AGBL1: variants seen among roughly 807,000 people sequenced by gnomAD.
The protein encoded by AGBL1 is AGBL carboxypeptidase 1, also known as cytosolic carboxypeptidase 4.
AGBL1 carries 130 observed loss-of-function variants against 118.9 expected under a neutral mutation model. That is an observed-to-expected ratio of 1.09 (90% CI 0.95 to 1.26). AGBL1 has a LOEUF of 1.26. Among genes scored for constraint, AGBL1 ranks in the 50% most tolerant of loss-of-function variants. AGBL1 has a pLI of 0.00. For synonymous variants in AGBL1, 555 were observed against 478.9 expected, an observed-to-expected ratio of 1.16 and a Z score of -2.08; for missense variants, 1,584 against 1,298.1, an observed-to-expected ratio of 1.22 and a Z score of -3.38.
At chr15:86,646,271 G>A (rs554501089) in intron 21 of AGBL1, among the ~76,000 whole-genome samples, 1 of 152,236 alleles carries the variant, frequency 6.6e-6, no homozygotes, top group East Asian at 1.9e-4. Flanking sequence ...TGATTTGCAC[G>A]GCGGCAGTAA....
At chr15:86,365,566 T>G (rs188396061) in intron 17 of AGBL1, among the ~76,000 whole-genome samples, 1 of 152,228 alleles carries the variant, frequency 6.6e-6, no homozygotes, top group African/African-American at 2.4e-5. Flanking sequence ...TTGCCTCTTA[T>G]GTGAAACCTA....
chr15:86,700,997 G>C (rs574372680), intron 22 of AGBL1, among the ~76,000 whole-genome samples: 3 of 152,260 alleles, frequency 2.0e-5, no homozygotes, highest in African/African-American at 7.2e-5. Context: ...AGGGAATAAA[G>C]TGCTGAGGGT....
chr15:86,526,363 G>A (rs2083261972), intron 19 of AGBL1, among the ~76,000 whole-genome samples: 2 of 151,836 alleles, frequency 1.3e-5, no homozygotes, highest in South Asian at 4.1e-4. Context: ...CCACTACTGG[G>A]TATCTACCCA....
chr15:86,099,527 A>G (rs1409953182), intron 1 of AGBL1, among the ~76,000 whole-genome samples: 5 of 150,996 alleles, frequency 3.3e-5, no homozygotes, highest in Non-Finnish European at 5.9e-5. Flanking sequence ...CCTGTTTTCC[A>G]ATGTGGATGC....
At chr15:86,310,499 C>T (rs745580022) in intron 17 of AGBL1, among the ~76,000 whole-genome samples, 1 of 152,054 alleles carries the variant, frequency 6.6e-6, no homozygotes, top group African/African-American at 2.4e-5. Flanking sequence ...TGCCTGGATT[C>T]ACTGAGGGGA....
chr15:87,030,644 C>A (rs2081774745), downstream of AGBL1, among the ~76,000 whole-genome samples: 1 of 151,986 alleles, frequency 6.6e-6, no homozygotes, highest in African/African-American at 2.4e-5. Context: ...TGAGGACACA[C>A]ATTAAGCTTC....
chr15:86,599,463 G>A (rs928159772), intron 21 of AGBL1, among the ~76,000 whole-genome samples: 112 of 151,992 alleles, frequency 7.4e-4, no homozygotes, highest in Middle Eastern at 3.4e-3. Context: ...AAATGACATT[G>A]TCTCTGGCTT....
At chr15:86,095,646 CCTT>C (rs1220116520) in intron 1 of AGBL1, among the ~76,000 whole-genome samples, 23,210 of 116,588 alleles carry the variant, frequency 0.2, 5,099 homozygotes, top group East Asian at 0.45. Context: ...ACCTTGGATA[CCTT>C]TTTTTTTTTT....
intron 24 of AGBL1, among the ~76,000 whole-genome samples, chr15:87,008,143 G>C (rs1472835986): frequency 6.6e-6 from 1 of 152,148 alleles, no homozygotes; most frequent in Non-Finnish European, 1.5e-5. Flanking sequence ...GAAGAGATTG[G>C]CATTTGAATT....
At chr15:86,147,250 A>C (rs906649085) in intron 3 of AGBL1, among the ~76,000 whole-genome samples, 4 of 152,230 alleles carry the variant, frequency 2.6e-5, no homozygotes, top group Admixed American at 2.6e-4. Context: ...GGTTCATCTC[A>C]CTGGTGCTGG....
chr15:86,606,404 G>A (rs994587726), intron 21 of AGBL1, among the ~76,000 whole-genome samples: 1 of 152,144 alleles, frequency 6.6e-6, no homozygotes. Context: ...CAGAGAGATG[G>A]CCAAAATTAT....
intron 17 of AGBL1, chr15:86,296,099 A>C (rs8028838): frequency 0.74 from 112,360 of 151,996 alleles, 42,609 homozygotes; most frequent in African/African-American, 0.88. Context: ...CGTACACACA[A>C]ACATCTTTAA....
At chr15:86,312,048 G>C (rs908340589) in intron 17 of AGBL1, 4 of 152,218 alleles carry the variant, frequency 2.6e-5, no homozygotes, top group Non-Finnish European at 4.4e-5. Context: ...TCATGACCTA[G>C]TGGGAGTCTT....
intron 18 of AGBL1, among the ~76,000 whole-genome samples, chr15:86,478,547 G>A (rs1426970256): frequency 1.3e-5 from 2 of 152,008 alleles, no homozygotes; most frequent in African/African-American, 4.8e-5. Flanking sequence ...ACCTCTTCAG[G>A]GAGAACTACA....
At chr15:86,487,387 GC>G (rs2082727390) in intron 18 of AGBL1, among the ~76,000 whole-genome samples, 1 of 152,104 alleles carries the variant, frequency 6.6e-6, no homozygotes, top group African/African-American at 2.4e-5. Context: ...TGGACTCCTT[GC>G]CAATGTGCAG....
At chr15:87,014,040 T>C (rs2081586492) in intron 24 of AGBL1, among the ~76,000 whole-genome samples, 1 of 152,194 alleles carries the variant, frequency 6.6e-6, no homozygotes, top group Non-Finnish European at 1.5e-5. Flanking sequence ...TTAATGTACC[T>C]AAACTATAAT....
chr15:86,182,033 G>T (rs543885774), intron 5 of AGBL1, among the ~76,000 whole-genome samples: 1 of 152,066 alleles, frequency 6.6e-6, no homozygotes, highest in Non-Finnish European at 1.5e-5. Context: ...GTTGGGGATG[G>T]AAAGGAAGTG....
intron 5 of AGBL1, among the ~76,000 whole-genome samples, chr15:86,206,402 A>G (rs1051351011): frequency 3.3e-5 from 5 of 152,186 alleles, no homozygotes; most frequent in Non-Finnish European, 5.9e-5. Flanking sequence ...GTCTTCCAAA[A>G]TGGTTGAACT....
At chr15:86,449,587 C>G (rs970293737) in intron 18 of AGBL1, among the ~76,000 whole-genome samples, 1 of 152,214 alleles carries the variant, frequency 6.6e-6, no homozygotes, top group Non-Finnish European at 1.5e-5. Context: ...ATTTTACCTA[C>G]CACACAGGCT....
Sources: gnomAD v4.1 joint callset for allele counts (sites outside exome capture counted in the v4.1 genomes callset) on GRCh38, gnomAD v4.1.1 for gene constraint, MANE v1.5 for transcripts, NCBI Gene and HGNC (gene_info 2026-07-23, HGNC 2026-07-21) for gene names.